RYR3: variants seen among roughly 807,000 people sequenced by gnomAD.
The protein encoded by RYR3 is brain ryanodine receptor-calcium release channel.
RYR3 carries 207 observed loss-of-function variants against 584.3 expected under a neutral mutation model. That is an observed-to-expected ratio of 0.35 (90% CI 0.32 to 0.40). RYR3 has a LOEUF of 0.40. Ranked by LOEUF, RYR3 falls within the 10% of genes least tolerant of loss-of-function variation. The pLI is 1.00. For missense variants in RYR3, 5,616 were observed against 6,089.2 expected, an observed-to-expected ratio of 0.92 and a Z score of 2.59; for synonymous variants, 2,416 against 2,248.5, an observed-to-expected ratio of 1.07 and a Z score of -2.11.
At chr15:33,387,953 T>C (rs1269390800) in intron 1 of RYR3, among the ~76,000 whole-genome samples, 1 of 149,826 alleles carries the variant, frequency 6.7e-6, no homozygotes, top group East Asian at 1.9e-4. Flanking sequence ...GAGGAGGAAA[T>C]TATAAAAAAA....
chr15:33,750,111 C>T (rs1302366601), intron 56 of RYR3, 52 bp from the exon 57 acceptor site: 1 of 1,607,330 alleles, frequency 6.2e-7, no homozygotes, highest in Admixed American at 1.7e-5. Context: ...CTATGGTCTC[C>T]CAGAAGTGCA....
Position 33,662,780 on chromosome 15 carries a change from T to A in RYR3, c.5250T>A (p.Ile1750=). Residue 1750 remains isoleucine, a synonymous_variant, in exon 35 of 104, where the codon ATT becomes ATA. Transcript: ENST00000634891. The stretch of plus-strand genomic sequence containing the variant: ...ATGTTCGGCAGATCCTCCTCCTGAT[T>A]GATCCCTCTGTGTTTGGGGAGCATA... ...DDDVRQILLL[I]DPSVFGEHSA... 1 of 1,614,026 alleles carries A rather than the reference T, an allele frequency of 6.2e-7. No homozygotes were observed. Among genetic ancestry groups the A allele is most frequent in the Non-Finnish European group, 8.5e-7 (1 of 1,179,932 alleles).
At chr15:33,573,750 T>C (rs1254692251) in intron 12 of RYR3, among the ~76,000 whole-genome samples, 2 of 152,160 alleles carry the variant, frequency 1.3e-5, no homozygotes, top group East Asian at 1.9e-4. Context: ...TAGGTGATAA[T>C]TGTAGTTGTT....
intron 18 of RYR3, among the ~76,000 whole-genome samples, chr15:33,608,069 A>C (rs1180863221): frequency 1.3e-5 from 2 of 152,240 alleles, no homozygotes; most frequent in Non-Finnish European, 2.9e-5. Flanking sequence ...CTGCCTCTTA[A>C]GTGGTACACA....
intron 1 of RYR3, among the ~76,000 whole-genome samples, chr15:33,418,673 C>G (rs1167918256): frequency 6.6e-6 from 1 of 152,020 alleles, no homozygotes; most frequent in Admixed American, 6.6e-5. Flanking sequence ...ACAACTACCC[C>G]CTGGAAGCAG....
At chr15:33,381,403 A>G (rs2041181916) in intron 1 of RYR3, among the ~76,000 whole-genome samples, 1 of 149,428 alleles carries the variant, frequency 6.7e-6, no homozygotes, top group African/African-American at 2.5e-5. Flanking sequence ...TGCCCCAAAC[A>G]GCAGGTGCTC....
In RYR3 at chr15:33,311,563, G is replaced by T. The variant is rs967877628; in HGVS notation, c.51+467G>T. ...GGAACCTCCGGGAAGGAGCCAGCGG[G>T]GCAGGGGGGAGTGTGGGGAGCCGGG... On this transcript the variant is annotated intron_variant, in intron 1 of 103. Coordinates refer to ENST00000634891, the MANE Select transcript of RYR3 (RefSeq NM_001036.6). The surrounding 1 kb of genome is among the most constrained non-coding windows in gnomAD (Gnocchi z 4.4). Among the ~76,000 whole-genome samples the T allele has an allele frequency of 5.8e-4, 88 of 152,204 alleles. No homozygotes were observed. Among genetic ancestry groups the T allele is most frequent in the Admixed American group, 1.2e-3 (18 of 15,290 alleles).
At chr15:33,384,601 GCACA>G (rs10659855) in intron 1 of RYR3, among the ~76,000 whole-genome samples, 2,026 of 145,316 alleles carry the variant, frequency 0.014, 44 homozygotes, top group African/African-American at 0.048. Context: ...ATCTATATAT[GCACA>G]CACACACACA....
Position 33,633,102 on chromosome 15 carries a change from C to G in RYR3, c.3021C>G (p.Ile1007Met), listed in dbSNP as rs765510646. Reference sequence around the variant, plus strand: ...TAAAACAAGGATGGACCTATGGCATCCAACAGGTAAGAAATTCTGGGTCAG... The same window carrying G: ...TAAAACAAGGATGGACCTATGGCATGCAACAGGTAAGAAATTCTGGGTCAG... Reference protein sequence around the residue: ...DRIKQGWTYGIQQDLKNKRNP... With the variant: ...DRIKQGWTYGMQQDLKNKRNP... The change falls in exon 24 of 104, where the codon ATC (isoleucine) becomes ATG (methionine). Residue 1007 changes from isoleucine (I) to methionine (M), a missense_variant. This residue lies in a region of RYR3 where 1,284 missense variants were observed against 1,344.6 expected (regional missense o/e 0.95). Coordinates refer to ENST00000634891, the MANE Select transcript of RYR3 (RefSeq NM_001036.6). The G allele has an allele frequency of 5.0e-6, 8 of 1,611,640 alleles. No homozygotes were observed. Among genetic ancestry groups the G allele is most frequent in the African/African-American group, 1.3e-5 (1 of 74,860 alleles).
At chr15:33,699,650 A>T in intron 40 of RYR3, 54 bp from the exon 41 acceptor site, 1 of 1,565,508 alleles carries the variant, frequency 6.4e-7, no homozygotes, top group South Asian at 1.2e-5. Context: ...CAGAGTTTTC[A>T]GAAAGGCCTC....
chr15:33,751,538 GA>G (rs1487147187), intron 57 of RYR3, among the ~76,000 whole-genome samples: 1 of 150,914 alleles, frequency 6.6e-6, no homozygotes, highest in Non-Finnish European at 1.5e-5. Flanking sequence ...GTCTTCTTTT[GA>G]AAAGTGTCTG....
At chr15:33,552,351 C>CA (rs2056744566) in intron 10 of RYR3, among the ~76,000 whole-genome samples, 3 of 152,158 alleles carry the variant, frequency 2.0e-5, no homozygotes. Flanking sequence ...CATTTCCCTT[C>CA]AAAGGGTCCA....
rs943743005 is a variant in RYR3, at chr15:33,844,862, G to A, written c.13297G>A (p.Val4433Ile). ...TAAGCGAGTGTGTATTTTGAGCCAGGTCACTGAAGAACCTTTAGAAGAAGA... is the reference window on the plus strand; with the variant it reads ...TAAGCGAGTGTGTATTTTGAGCCAGATCACTGAAGAACCTTTAGAAGAAGA... ...AINFILLFYK[V>I]TEEPLEEETE... The change falls in exon 93 of 104, where the codon GTC (valine) becomes ATC (isoleucine). Residue 4433 changes from valine to isoleucine, a missense_variant and splice_region_variant. Physicochemically the swap from Val to Ile is conservative, Grantham distance 29 (BLOSUM62 3). Transcript: ENST00000634891. 3 of 1,612,422 alleles carry A rather than the reference G, an allele frequency of 1.9e-6. No homozygotes were observed. The highest frequency in any genetic ancestry group is 1.1e-5 in the South Asian group (1 of 90,926).
At chr15:33,614,810 G>A (rs1377763596) in intron 19 of RYR3, among the ~76,000 whole-genome samples, 1 of 150,282 alleles carries the variant, frequency 6.7e-6, no homozygotes, top group Non-Finnish European at 1.5e-5. Flanking sequence ...ATTGTTTTTT[G>A]TTTTTCTTTT....
At chr15:33,533,421 A>T (rs1273285710) in intron 5 of RYR3, 32 bp downstream of exon 5, 2 of 1,506,984 alleles carry the variant, frequency 1.3e-6, no homozygotes, top group South Asian at 1.2e-5. Flanking sequence ...TCTTGAGCTC[A>T]GCGGGGGTCT....
chr15:33,544,593 C>A (rs1706640146), intron 8 of RYR3, among the ~76,000 whole-genome samples: 1 of 152,176 alleles, frequency 6.6e-6, no homozygotes, highest in Admixed American at 6.5e-5. Flanking sequence ...GAGCTGCTGA[C>A]TCTCCATCAG....
intron 1 of RYR3, among the ~76,000 whole-genome samples, chr15:33,464,507 TACAC>T (rs60729541): frequency 3.3e-5 from 4 of 121,008 alleles, no homozygotes; most frequent in South Asian, 2.6e-4. Context: ...TATATATACA[TACAC>T]ATACACATAT....
At chr15:33,442,571 G>A (rs1400974088) in intron 1 of RYR3, among the ~76,000 whole-genome samples, 1 of 152,186 alleles carries the variant, frequency 6.6e-6, no homozygotes, top group Non-Finnish European at 1.5e-5. Context: ...TAATAATGGT[G>A]ATGCTGATAA....
rs189839794 is a variant in RYR3, at chr15:33,403,475, T to C, written c.52-69944T>C. Among the ~76,000 whole-genome samples the C allele has an allele frequency of 3.3e-5, 5 of 152,338 alleles. No individual in the cohort carries two copies. The East Asian group carries it at 9.6e-4, about 29-fold the overall frequency. On this transcript the variant is annotated intron_variant, in intron 1 of 103. Coordinates refer to ENST00000634891, the MANE Select transcript of RYR3 (RefSeq NM_001036.6). ...TAATCGGAGATGAATTGAAATACTT[T>C]TGAAGTGTCAATAGTACATTTTTCC...
Sources: gnomAD v4.1 joint callset for allele counts (sites outside exome capture counted in the v4.1 genomes callset) on GRCh38, gnomAD v4.1.1 for gene constraint, gnomAD v4.1.1 regional missense constraint, Gnocchi (gnomAD v3.1) non-coding constraint, MANE v1.5 for transcripts, NCBI Gene and HGNC (gene_info 2026-07-23, HGNC 2026-07-21) for gene names.